MICAL3: variants seen among roughly 807,000 people sequenced by gnomAD.
MICAL3 encodes the protein microtubule associated monooxygenase, calponin and LIM domain containing 3, also known as [F-actin]-monooxygenase MICAL3.
MICAL3 carries 62 observed loss-of-function variants against 207.4 expected under a neutral mutation model. The ratio of observed to expected loss-of-function variants is 0.30; its 90% confidence interval spans 0.24 to 0.37. The LOEUF (loss-of-function observed/expected upper bound fraction) is 0.37, where lower values mean the gene tolerates loss of function less well. Ranked by LOEUF, MICAL3 falls within the 10% of genes least tolerant of loss-of-function variation. The pLI is 1.00. For missense variants in MICAL3, 2,368 were observed against 2,635.6 expected, an observed-to-expected ratio of 0.90 and a Z score of 2.22; for synonymous variants, 1,077 against 1,069.3, an observed-to-expected ratio of 1.01 and a Z score of -0.14.
intron 1 of MICAL3, among the ~76,000 whole-genome samples, chr22:17,921,716 T>C (rs1273414161): frequency 1.3e-5 from 2 of 152,138 alleles, no homozygotes; most frequent in African/African-American, 4.8e-5. Flanking sequence ...CTCGAACTCT[T>C]GGCCTCAAGT....
intron 8 of MICAL3, 128 bp from the exon 9 acceptor site, chr22:17,896,489 C>T: frequency 1.3e-6 from 1 of 751,388 alleles, no homozygotes. Context: ...ACAAATTGCT[C>T]TCCTTCCCAG....
chr22:18,008,454 A>G (rs1211627773), intron 1 of MICAL3, among the ~76,000 whole-genome samples: 1 of 152,228 alleles, frequency 6.6e-6, no homozygotes, highest in Non-Finnish European at 1.5e-5. Context: ...CCATTGGATG[A>G]GAGAGTCAAG....
chr22:17,925,417 T>C (rs1166993464), intron 1 of MICAL3, among the ~76,000 whole-genome samples: 1 of 152,200 alleles, frequency 6.6e-6, no homozygotes, highest in Non-Finnish European at 1.5e-5. Flanking sequence ...TTTTAGTAAA[T>C]CTGCCAACTT....
intron 16 of MICAL3, among the ~76,000 whole-genome samples, chr22:17,880,155 G>A (rs1333621972): frequency 1.3e-5 from 2 of 152,194 alleles, no homozygotes; most frequent in Non-Finnish European, 2.9e-5. Context: ...TGTCTCTGTG[G>A]GCAGAGGGAG....
rs1422026170 is a variant in MICAL3, at chr22:17,900,913, T to C, written c.776A>G (p.Lys259Arg). The C allele has an allele frequency of 6.2e-7, 1 of 1,614,044 alleles. No individual in the cohort carries two copies. The highest frequency in any genetic ancestry group is 1.3e-5 in the African/African-American group (1 of 75,074). The change falls in exon 6 of 32, where the codon AAA becomes AGA. Residue 259 changes from lysine (K) to arginine (R), a missense_variant. Transcript: ENST00000441493. The surrounding 1 kb of genome is among the most constrained non-coding windows in gnomAD (Gnocchi z 4.0). ...AGCCACACCACTGATCTCTTCCACT[T>C]TAGCTTCTGCTGTTGTATTTCGGTT... is the stretch of plus-strand genomic sequence containing the variant. ...FINRNTTAEA[K>R]VEEISGVAFI...
chr22:17,947,794 G>C (rs150493061), intron 1 of MICAL3, among the ~76,000 whole-genome samples: 1 of 152,098 alleles, frequency 6.6e-6, no homozygotes, highest in East Asian at 1.9e-4. Context: ...AACTTCCTGG[G>C]CTCAAGTGAT....
chr22:17,818,803 C>T lies in MICAL3; in HGVS notation c.3858G>A (p.Pro1286=), dbSNP rs73876506. The T allele has an allele frequency of 2.5e-3, 3,681 of 1,444,260 alleles. 80 individuals are homozygous for T. The African/African-American group carries it at 0.047, about 18-fold the overall frequency. 89.5% of individuals were successfully genotyped at this position (1,444,260 alleles called of 1,614,324 possible). The stretch of plus-strand genomic sequence containing the variant: ...GGGCCAGTGGGGTGGATGTTTTGGC[C>T]GGGGCAGGCTGGAAGCGTATGGGGG... ...TQSPIRFQPA[P]AKTSTPLAPL... The change falls in exon 26 of 32, where the codon CCG becomes CCA. Residue 1286 remains proline (P), a synonymous_variant. Transcript: ENST00000441493.
chr22:17,932,405 T>A (rs2146320934), intron 1 of MICAL3, among the ~76,000 whole-genome samples: 1 of 152,212 alleles, frequency 6.6e-6, no homozygotes. Context: ...AGAAATAAAA[T>A]CCTTTACAGA....
chr22:17,829,326 C>T (rs1922544463), intron 21 of MICAL3, among the ~76,000 whole-genome samples: 1 of 152,140 alleles, frequency 6.6e-6, no homozygotes. Flanking sequence ...GCCACCATGC[C>T]CGACTAATTT....
Position 17,793,063 on chromosome 22 carries a change from T to A in MICAL3, c.5651-1762A>T, listed in dbSNP as rs1015568295. On this transcript the variant is annotated intron_variant, in intron 29 of 31. Coordinates refer to ENST00000441493, the MANE Select transcript of MICAL3 (RefSeq NM_015241.3). The surrounding 1 kb of genome is among the most constrained non-coding windows in gnomAD (Gnocchi z 4.1). ...GATACAGAAAATGCCACCGGAGACG[T>A]GCGGACAGCGCTCACTAGCTATGGA... Among the ~76,000 whole-genome samples the A allele has an allele frequency of 1.3e-5, 2 of 151,892 alleles. No individual in the cohort carries two copies. Among genetic ancestry groups the A allele is most frequent in the Non-Finnish European group, 2.9e-5 (2 of 67,962 alleles).
At chr22:17,987,309 G>A (rs1393681087) in intron 1 of MICAL3, among the ~76,000 whole-genome samples, 3 of 152,234 alleles carry the variant, frequency 2.0e-5, no homozygotes, top group Admixed American at 2.0e-4. Flanking sequence ...GAGGAAAGCT[G>A]AAAGAGAAGG....
At chr22:18,010,395 G>A (rs1923643823) in intron 1 of MICAL3, among the ~76,000 whole-genome samples, 1 of 152,210 alleles carries the variant, frequency 6.6e-6, no homozygotes, top group Non-Finnish European at 1.5e-5. Flanking sequence ...GAGCTGTGCA[G>A]AGGACAATTA....
At chr22:17,931,347 G>C (rs1246096167) in intron 1 of MICAL3, among the ~76,000 whole-genome samples, 1 of 152,216 alleles carries the variant, frequency 6.6e-6, no homozygotes, top group Non-Finnish European at 1.5e-5. Context: ...AGTGGTCTGA[G>C]AAAACAGTGA....
At chr22:17,825,994 G>A (rs1439483566) in intron 22 of MICAL3, among the ~76,000 whole-genome samples, 1 of 152,052 alleles carries the variant, frequency 6.6e-6, no homozygotes, top group African/African-American at 2.4e-5. Context: ...AATAGCACCC[G>A]CCCATCCTCT....
At chr22:17,875,522 G>A (rs1188567512) in intron 16 of MICAL3, 3 of 1,552,496 alleles carry the variant, frequency 1.9e-6, no homozygotes, top group East Asian at 2.4e-5. Context: ...CCCACTGGTC[G>A]ACAAAAAATC....
Position 17,972,560 on chromosome 22 carries a change from C to T in MICAL3, c.-75+51721G>A, listed in dbSNP as rs74394339. On this transcript the variant is annotated intron_variant, in intron 1 of 31. Coordinates refer to ENST00000441493, the MANE Select transcript of MICAL3 (RefSeq NM_015241.3). ...ACACACAACAGCCCATCCCGGGCAG[C>T]TCACCCCCATCTTCAGGGCCTTGGA... 6.1e-3 allele frequency among the ~76,000 whole-genome samples: 927 copies of T among 152,280 alleles called. 12 individuals are homozygous for T. Among genetic ancestry groups the T allele is most frequent in the African/African-American group, 0.017 (703 of 41,556 alleles).
chr22:17,835,855 A>G (rs1555974665), intron 20 of MICAL3, among the ~76,000 whole-genome samples: 1 of 152,202 alleles, frequency 6.6e-6, no homozygotes, highest in Non-Finnish European at 1.5e-5. Context: ...CCGGGTCACC[A>G]CTGTGCTCCT....
chr22:17,817,610 C>T lies in MICAL3; in HGVS notation c.5051G>A (p.Gly1684Asp), dbSNP rs773734664. The stretch of plus-strand genomic sequence containing the variant: ...GGAGCCCTCGGATGAAGTGAAAGAG[C>T]CATCTGGGCCCCCTGAGTCCGACGG... The part of the protein sequence containing the change: ...SPPSDSGGPD[G>D]SFTSSEGSSG... The change falls in exon 26 of 32, where the codon GGC (glycine) becomes GAC (aspartate). Residue 1684 changes from glycine (G) to aspartate (D), a missense_variant. By Grantham distance (94) the Gly-to-Asp change is moderately conservative (BLOSUM62 -1). Around this residue, in one of 4 missense-constraint regions of MICAL3, gnomAD observed 1,770 missense variants for 1,863.2 expected, o/e 0.95. Transcript: ENST00000441493. 7 of 1,613,128 alleles carry T rather than the reference C, an allele frequency of 4.3e-6. No individual in the cohort carries two copies. In the South Asian group the frequency reaches 7.7e-5, roughly 18 times the overall value.
At chr22:17,883,054 C>T (rs1489618131) in intron 16 of MICAL3, among the ~76,000 whole-genome samples, 1 of 152,200 alleles carries the variant, frequency 6.6e-6, no homozygotes, top group Non-Finnish European at 1.5e-5. Context: ...CCACCTCAGG[C>T]ACCCGTTATG....
Sources: allele counts gnomAD v4.1 joint callset (sites outside exome capture counted in the v4.1 genomes callset), GRCh38; gene constraint gnomAD v4.1.1; regional missense constraint gnomAD v4.1.1; non-coding constraint Gnocchi (gnomAD v3.1); transcripts MANE v1.5; gene names NCBI Gene and HGNC (gene_info 2026-07-23, HGNC 2026-07-21).